Variants in GALNTL6 observed in about 807,000 individuals in gnomAD.
GALNTL6 encodes polypeptide N-acetylgalactosaminyltransferase-like 6.
Under a neutral mutation model 73.7 loss-of-function variants are expected in GALNTL6, and 46 were observed. That is an observed-to-expected ratio of 0.62 (90% CI 0.49 to 0.80). The LOEUF is 0.80. Ranked by LOEUF, GALNTL6 falls within the 30% of genes least tolerant of loss-of-function variation. GALNTL6 has a pLI of 0.00. For missense variants in GALNTL6, 604 were observed against 755.0 expected (o/e 0.80, Z 2.34); for synonymous variants, 259 against 263.7 (o/e 0.98, Z 0.17).
Position 173,022,114 on chromosome 4 carries a change from G to A in GALNTL6, c.1638+489G>A, listed in dbSNP as rs145897888. 8.7e-3 allele frequency among the ~76,000 whole-genome samples: 1,141 copies of A among 130,412 alleles called. 27 individuals carry two copies. The highest frequency in any genetic ancestry group is 0.03 in the African/African-American group (933 of 31,440). 85.6% of individuals were successfully genotyped at this position (130,412 alleles called of 152,430 possible). A position where few individuals can be genotyped will look rare whatever the true frequency, so the allele number is the denominator to read the frequency against. On this transcript the variant is annotated intron_variant, in intron 12 of 12. Coordinates refer to ENST00000506823, the MANE Select transcript of GALNTL6 (RefSeq NM_001034845.3). ...AAGAAGGAAGGAAGGAAGGAAAGAA[G>A]GAAGGAAGGAAGGAAAGAAGGAAGG...
intron 2 of GALNTL6, among the ~76,000 whole-genome samples, chr4:171,953,182 C>T (rs1560856532): frequency 6.6e-6 from 1 of 150,674 alleles, no homozygotes; most frequent in Non-Finnish European, 1.5e-5. Context: ...ATCATAAATT[C>T]AATAGAATTC....
At chr4:172,739,692 A>G (rs997786978) in intron 5 of GALNTL6, among the ~76,000 whole-genome samples, 1 of 152,162 alleles carries the variant, frequency 6.6e-6, no homozygotes, top group South Asian at 2.1e-4. Context: ...TAGATCTGCC[A>G]TCTCAGCAAG....
At chr4:172,632,865 G>A (rs962862500) in intron 5 of GALNTL6, among the ~76,000 whole-genome samples, 1 of 152,196 alleles carries the variant, frequency 6.6e-6, no homozygotes, top group African/African-American at 2.4e-5. Context: ...AGCTGCTTCA[G>A]CTCCAGCTAT....
At chr4:172,396,700 G>A (rs1283491689) in intron 5 of GALNTL6, among the ~76,000 whole-genome samples, 1 of 152,128 alleles carries the variant, frequency 6.6e-6, no homozygotes, top group African/African-American at 2.4e-5. Context: ...GAGGTTTATT[G>A]ATGGAGATAT....
chr4:172,919,399 G>C (rs1353438822), intron 8 of GALNTL6, among the ~76,000 whole-genome samples: 1 of 152,072 alleles, frequency 6.6e-6, no homozygotes, highest in African/African-American at 2.4e-5. Context: ...AAGCTCTCGG[G>C]CTTTCATTTT....
At chr4:172,625,482 A>T (rs957158495) in intron 5 of GALNTL6, among the ~76,000 whole-genome samples, 1 of 152,098 alleles carries the variant, frequency 6.6e-6, no homozygotes, top group Non-Finnish European at 1.5e-5. Context: ...ATCACGATGA[A>T]CAAAAGACTA....
At chr4:173,035,815 T>C (rs1302759429) in intron 12 of GALNTL6, among the ~76,000 whole-genome samples, 1 of 152,222 alleles carries the variant, frequency 6.6e-6, no homozygotes, top group Non-Finnish European at 1.5e-5. Flanking sequence ...TTGAAAATTC[T>C]ATTTTGCCAG....
chr4:172,719,643 TAA>T (rs900347507), intron 5 of GALNTL6, among the ~76,000 whole-genome samples: 6 of 152,078 alleles, frequency 3.9e-5, no homozygotes, highest in Admixed American at 3.9e-4. Flanking sequence ...TCCTTAGATA[TAA>T]GATATATTTT....
chr4:172,192,331 T>G (rs954932203), intron 2 of GALNTL6, among the ~76,000 whole-genome samples: 6 of 152,194 alleles, frequency 3.9e-5, no homozygotes, highest in African/African-American at 1.4e-4. Flanking sequence ...TTTAAAGGCC[T>G]GAAGTCAATT....
In GALNTL6 at chr4:172,146,985, G is replaced by A. The variant is rs189859225; in HGVS notation, c.139-82671G>A. Among the ~76,000 whole-genome samples the A allele has an allele frequency of 6.2e-3, 940 of 152,208 alleles. 13 individuals carry two copies. Among genetic ancestry groups the A allele is most frequent in the African/African-American group, 0.021 (889 of 41,514 alleles). On this transcript the variant is annotated intron_variant, in intron 2 of 12. Transcript: ENST00000506823. ...AATTAAGTATGTATTTTTAGGCACCGGGATTGTTGAAGTAGACTGTCAAAA... is the reference window on the plus strand; with the variant it reads ...AATTAAGTATGTATTTTTAGGCACCAGGATTGTTGAAGTAGACTGTCAAAA...
At chr4:172,921,770 G>T (rs1423048425) in intron 8 of GALNTL6, among the ~76,000 whole-genome samples, 3 of 150,270 alleles carry the variant, frequency 2.0e-5, no homozygotes, top group Admixed American at 2.0e-4. Context: ...CTCCAGCCAG[G>T]GTGACAGAGC....
intron 5 of GALNTL6, among the ~76,000 whole-genome samples, chr4:172,758,935 A>G (rs1407003539): frequency 6.6e-6 from 1 of 152,234 alleles, no homozygotes; most frequent in Non-Finnish European, 1.5e-5. Context: ...AGGGGGGACT[A>G]TTGTAGTACA....
intron 5 of GALNTL6, among the ~76,000 whole-genome samples, chr4:172,388,648 G>A (rs1287611162): frequency 6.6e-6 from 1 of 151,914 alleles, no homozygotes; most frequent in East Asian, 1.9e-4. Flanking sequence ...CTATATTAGT[G>A]TATCCACTCC....
At chr4:172,361,641 C>T (rs1007965784) in intron 5 of GALNTL6, among the ~76,000 whole-genome samples, 7 of 152,100 alleles carry the variant, frequency 4.6e-5, no homozygotes, top group Non-Finnish European at 8.8e-5. Flanking sequence ...TTTTCAATGT[C>T]TGCAAACGGG....
At chr4:172,899,605 G>T (rs1561022421) in intron 8 of GALNTL6, among the ~76,000 whole-genome samples, 1 of 152,040 alleles carries the variant, frequency 6.6e-6, no homozygotes, top group East Asian at 1.9e-4. Flanking sequence ...ACCAGAAAGG[G>T]GTCCTGATCC....
At chr4:172,025,839 A>C (rs1284910583) in intron 2 of GALNTL6, among the ~76,000 whole-genome samples, 1 of 151,720 alleles carries the variant, frequency 6.6e-6, no homozygotes, top group Non-Finnish European at 1.5e-5. Context: ...CTGTTTATGA[A>C]GGTTTCAGAA....
chr4:172,443,429 G>A (rs1483323163), intron 5 of GALNTL6, among the ~76,000 whole-genome samples: 1 of 151,680 alleles, frequency 6.6e-6, no homozygotes, highest in Non-Finnish European at 1.5e-5. Context: ...GCCTCCCAAA[G>A]TGCTGGGATT....
chr4:172,937,561 G>T (rs555135175), intron 9 of GALNTL6, among the ~76,000 whole-genome samples: 1 of 152,302 alleles, frequency 6.6e-6, no homozygotes, highest in Non-Finnish European at 1.5e-5. Flanking sequence ...ACTTTTGACA[G>T]ATTTTCTTTG....
At chr4:172,712,702 T>G (rs930097409) in intron 5 of GALNTL6, among the ~76,000 whole-genome samples, 5 of 152,184 alleles carry the variant, frequency 3.3e-5, no homozygotes, top group Admixed American at 3.3e-4. Context: ...GAAACAAGAT[T>G]GTTAAGGGGA....
Sources: gnomAD v4.1 joint callset for allele counts (sites outside exome capture counted in the v4.1 genomes callset) on GRCh38, gnomAD v4.1.1 for gene constraint, MANE v1.5 for transcripts, NCBI Gene and HGNC (gene_info 2026-07-23, HGNC 2026-07-21) for gene names.